Variants in ASIC2 observed in about 807,000 individuals in gnomAD.
ASIC2 encodes acid sensing ion channel subunit 2, also known as acid-sensing ion channel 2.
A neutral mutation model predicts 57.3 loss-of-function variants in ASIC2; 25 were observed. The ratio of observed to expected loss-of-function variants is 0.44; its 90% confidence interval spans 0.32 to 0.61. The LOEUF is 0.61. Ranked by LOEUF, ASIC2 falls within the 20% of genes least tolerant of loss-of-function variation. ASIC2 has a pLI of 0.06. For missense variants in ASIC2, 641 were observed against 738.1 expected, an observed-to-expected ratio of 0.87 and a Z score of 1.52; for synonymous variants, 319 against 307.5, an observed-to-expected ratio of 1.04 and a Z score of -0.39.
chr17:33,751,250 A>G (rs2701473), intron 1 of ASIC2, among the ~76,000 whole-genome samples: 57,538 of 152,084 alleles, frequency 0.38, 11,975 homozygotes, highest in Non-Finnish European at 0.49. Flanking sequence ...GCTTGCTGCT[A>G]CCTTGGCTGC....
intron 3 of ASIC2, among the ~76,000 whole-genome samples, chr17:33,039,264 C>A (rs1365183220): frequency 1.3e-5 from 2 of 152,156 alleles, no homozygotes; most frequent in Non-Finnish European, 2.9e-5. Flanking sequence ...CTCACATGGA[C>A]CAAATTCCAT....
chr17:33,497,470 A>G (rs1424765278), intron 1 of ASIC2, among the ~76,000 whole-genome samples: 2 of 152,004 alleles, frequency 1.3e-5, no homozygotes, highest in Non-Finnish European at 2.9e-5. Flanking sequence ...CCTGAGGGGA[A>G]GGTTGAAGGA....
chr17:34,114,485 A>C lies in ASIC2; in HGVS notation c.555+41493T>G, dbSNP rs138033848. On this transcript the variant is annotated intron_variant, in intron 1 of 9. Transcript: ENST00000359872. The stretch of plus-strand genomic sequence containing the variant: ...AGATTTGGAGCAAGGACAAGGAAAA[A>C]ATAATACCCAATTGAACCTGACTCT... 3.9e-3 allele frequency among the ~76,000 whole-genome samples: 587 copies of C among 152,248 alleles called. 3 individuals carry two copies. The highest frequency in any genetic ancestry group is 0.013 in the African/African-American group (544 of 41,532).
intron 1 of ASIC2, among the ~76,000 whole-genome samples, chr17:33,812,653 G>C (rs1366904883): frequency 6.6e-6 from 1 of 152,168 alleles, no homozygotes; most frequent in Non-Finnish European, 1.5e-5. Flanking sequence ...GCTCTAGAGA[G>C]GCTGAGGCGA....
intron 1 of ASIC2, among the ~76,000 whole-genome samples, chr17:33,996,910 G>C (rs1161885115): frequency 6.6e-6 from 1 of 152,144 alleles, no homozygotes; most frequent in East Asian, 1.9e-4. Context: ...TTGGAATTTG[G>C]ATAGGGATTT....
At chr17:34,129,290 C>G (rs1370130682) in intron 1 of ASIC2, among the ~76,000 whole-genome samples, 1 of 152,144 alleles carries the variant, frequency 6.6e-6, no homozygotes, top group South Asian at 2.1e-4. Flanking sequence ...TATGGTGGAA[C>G]CAGCATCCAA....
Position 33,028,438 on chromosome 17 carries a change from A to G in ASIC2, c.988-46T>C, listed in dbSNP as rs1229724305. 2.5e-6 allele frequency: 4 copies of G among 1,605,426 alleles called. No homozygotes were observed. The Admixed American group carries it at 5.0e-5, about 20-fold the overall frequency. On this transcript the variant is annotated intron_variant, in intron 3 of 9. Transcript: ENST00000225823. The stretch of plus-strand genomic sequence containing the variant: ...GGCGGCAGTCAGCCTCAACAGACTC[A>G]GTAACTCATTCATTTACTTACTCAA...
At chr17:34,096,856 CAAAAAAAAAAAAAAAA>C (rs71286247) in intron 1 of ASIC2, among the ~76,000 whole-genome samples, 2 of 30,118 alleles carry the variant, frequency 6.6e-5, no homozygotes, top group Non-Finnish European at 1.0e-4. Context: ...GACTCCATCT[CAAAAAAAAAAAAAAAA>C]AAAAAAAAAA....
In ASIC2 at chr17:33,901,091, C is replaced by T. The variant is rs972052843; in HGVS notation, c.555+254887G>A. On this transcript the variant is annotated intron_variant, in intron 1 of 9. Coordinates refer to the ASIC2 transcript ENST00000359872. ...GTGTCCTACTATGACAAAGTCCTCC[C>T]TTTTGTGCTTCTGACCTGTCTGCCC... is the stretch of plus-strand genomic sequence containing the variant. 3.3e-5 allele frequency among the ~76,000 whole-genome samples: 5 copies of T among 152,280 alleles called. No individual in the cohort carries two copies. The South Asian group carries it at 1.0e-3, about 32-fold the overall frequency.
intron 1 of ASIC2, among the ~76,000 whole-genome samples, chr17:34,068,227 T>C (rs1000358624): frequency 1.4e-4 from 21 of 152,144 alleles, no homozygotes; most frequent in African/African-American, 5.1e-4. Flanking sequence ...CATTAATGTA[T>C]GATGGAAGGA....
At chr17:33,739,518 G>A (rs1406191037) in intron 1 of ASIC2, among the ~76,000 whole-genome samples, 2 of 152,248 alleles carry the variant, frequency 1.3e-5, no homozygotes, top group Non-Finnish European at 2.9e-5. Context: ...AGCCAGTGGA[G>A]CTGCAGTTGC....
At position 33,234,910 on chromosome 17, in the gene ASIC2, A is replaced by C. The variant is rs189554839; in HGVS notation, c.708+56498T>G. Among the ~76,000 whole-genome samples, 97 of 152,270 alleles carry C rather than the reference A, an allele frequency of 6.4e-4. 1 individual carries two copies. The East Asian group carries it at 0.019, about 29-fold the overall frequency. On this transcript the variant is annotated intron_variant, in intron 1 of 9. Coordinates refer to ENST00000225823, the MANE Select transcript of ASIC2 (RefSeq NM_183377.2). ...GGACAACAAACATTCAGACCATAAC[A>C]CTATGCGTGCCCCTGAGTTCCTCTG...
chr17:33,237,957 A>G (rs925273739), intron 1 of ASIC2, among the ~76,000 whole-genome samples: 2 of 152,062 alleles, frequency 1.3e-5, no homozygotes, highest in African/African-American at 4.8e-5. Flanking sequence ...CTCATACACT[A>G]TCTCACTAAA....
chr17:33,097,923 G>A (rs945680744), intron 2 of ASIC2, among the ~76,000 whole-genome samples: 2 of 152,188 alleles, frequency 1.3e-5, no homozygotes, highest in African/African-American at 4.8e-5. Context: ...CAAGGCCAGG[G>A]AAGAGAGGCA....
At chr17:33,925,213 C>T (rs1378025536) in intron 1 of ASIC2, among the ~76,000 whole-genome samples, 1 of 152,238 alleles carries the variant, frequency 6.6e-6, no homozygotes, top group Non-Finnish European at 1.5e-5. Context: ...ATGCTCATTT[C>T]TCATCTGTAA....
chr17:33,888,488 A>G (rs317373), intron 1 of ASIC2, among the ~76,000 whole-genome samples: 65,876 of 151,872 alleles, frequency 0.43, 14,740 homozygotes, highest in African/African-American at 0.52. Flanking sequence ...TTTGGCTCCA[A>G]GGCTGGGGAC....
At chr17:33,859,740 GTGTGA>G (rs1402936480) in intron 1 of ASIC2, among the ~76,000 whole-genome samples, 1 of 152,142 alleles carries the variant, frequency 6.6e-6, no homozygotes, top group Non-Finnish European at 1.5e-5. Flanking sequence ...GAGTGCAGTG[GTGTGA>G]TCATGGCTCA....
intron 1 of ASIC2, among the ~76,000 whole-genome samples, chr17:34,016,381 G>A (rs887399946): frequency 1.6e-5 from 2 of 125,914 alleles, no homozygotes; most frequent in African/African-American, 3.3e-5. Context: ...CTGAGATCCC[G>A]CCACTACAAT....
chr17:33,870,978 C>A (rs1390271129), intron 1 of ASIC2, among the ~76,000 whole-genome samples: 1 of 152,096 alleles, frequency 6.6e-6, no homozygotes, highest in Non-Finnish European at 1.5e-5. Context: ...CTTGTGCCCA[C>A]CCCACCCCCT....
Sources: gnomAD v4.1 joint callset for allele counts (sites outside exome capture counted in the v4.1 genomes callset) on GRCh38, gnomAD v4.1.1 for gene constraint, MANE v1.5 for transcripts, NCBI Gene and HGNC (gene_info 2026-07-23, HGNC 2026-07-21) for gene names.